The following MACROD2 variants were observed in gnomAD, a reference collection of about 807,000 sequenced individuals.
MACROD2 encodes the protein mono-ADP ribosylhydrolase 2.
MACROD2 carries 36 observed loss-of-function variants against 70.4 expected under a neutral mutation model. The observed-to-expected ratio is 0.51, with a 90% CI of 0.39 to 0.68. MACROD2 has a LOEUF of 0.68. Ranked by LOEUF, MACROD2 falls within the 30% of genes least tolerant of loss-of-function variation. The pLI is 0.00. For missense variants in MACROD2, 496 were observed against 538.4 expected, an observed-to-expected ratio of 0.92 and a Z score of 0.78; for synonymous variants, 172 against 178.8, an observed-to-expected ratio of 0.96 and a Z score of 0.30.
intron 5 of MACROD2, among the ~76,000 whole-genome samples, chr20:15,115,755 T>A (rs1479836143): frequency 6.6e-6 from 1 of 152,176 alleles, no homozygotes; most frequent in Non-Finnish European, 1.5e-5. Context: ...AGACTTAGGA[T>A]AAATCAGAAG....
At chr20:14,860,003 G>A (rs1478409394) in intron 5 of MACROD2, among the ~76,000 whole-genome samples, 1 of 152,074 alleles carries the variant, frequency 6.6e-6, no homozygotes, top group African/African-American at 2.4e-5. Context: ...CATTCTTAAA[G>A]GTCATACATT....
At chr20:14,063,309 G>A (rs752208873) in intron 2 of MACROD2, among the ~76,000 whole-genome samples, 32 of 152,150 alleles carry the variant, frequency 2.1e-4, no homozygotes, top group African/African-American at 7.5e-4. Flanking sequence ...GAATGTTTCA[G>A]GTCAATTAGA....
chr20:15,810,784 A>C (rs919592133), intron 8 of MACROD2, among the ~76,000 whole-genome samples: 1 of 152,116 alleles, frequency 6.6e-6, no homozygotes. Context: ...ATAATGCCGC[A>C]TATCTACAAC....
chr20:15,308,880 T>G (rs2077724174), intron 6 of MACROD2, among the ~76,000 whole-genome samples: 1 of 152,178 alleles, frequency 6.6e-6, no homozygotes, highest in African/African-American at 2.4e-5. Context: ...TGGGTCAGAC[T>G]GGCTTGACTG....
intron 6 of MACROD2, among the ~76,000 whole-genome samples, chr20:15,421,997 T>C (rs2046234846): frequency 6.6e-6 from 1 of 151,946 alleles, no homozygotes; most frequent in South Asian, 2.1e-4. Context: ...GGAAATGGAG[T>C]ATGCCAGACA....
At chr20:14,956,294 C>T (rs1413812851) in intron 5 of MACROD2, among the ~76,000 whole-genome samples, 1 of 151,908 alleles carries the variant, frequency 6.6e-6, no homozygotes. Flanking sequence ...ATGACGAATG[C>T]TTCTGACAAA....
chr20:14,993,199 C>CT (rs2074920355), intron 5 of MACROD2, among the ~76,000 whole-genome samples: 1 of 151,274 alleles, frequency 6.6e-6, no homozygotes, highest in Non-Finnish European at 1.5e-5. Context: ...TATTCGTGAA[C>CT]TTGTTTACAG....
chr20:15,082,157 G>C (rs1223077638), intron 5 of MACROD2, among the ~76,000 whole-genome samples: 2 of 152,130 alleles, frequency 1.3e-5, no homozygotes, highest in African/African-American at 4.8e-5. Flanking sequence ...CAGAGTGGGA[G>C]GTTATCTGCT....
At chr20:14,019,551 T>G (rs756289360) in intron 2 of MACROD2, among the ~76,000 whole-genome samples, 6 of 152,054 alleles carry the variant, frequency 3.9e-5, no homozygotes, top group Non-Finnish European at 7.4e-5. Flanking sequence ...GGGATTACAG[T>G]TGTGAGCCAC....
chr20:14,700,751 A>C (rs1183653368), intron 5 of MACROD2, among the ~76,000 whole-genome samples: 1 of 152,064 alleles, frequency 6.6e-6, no homozygotes, highest in East Asian at 1.9e-4. Flanking sequence ...ATGCATGCTG[A>C]TTTGGACTCT....
At chr20:14,193,135 A>G (rs891743918) in intron 3 of MACROD2, among the ~76,000 whole-genome samples, 2 of 152,222 alleles carry the variant, frequency 1.3e-5, no homozygotes, top group Non-Finnish European at 2.9e-5. Context: ...GCCATCACAC[A>G]GAAACTCTGG....
chr20:15,051,390 G>A (rs2075439707), intron 5 of MACROD2, among the ~76,000 whole-genome samples: 1 of 99,214 alleles, frequency 1.0e-5, no homozygotes, highest in Non-Finnish European at 2.0e-5. Flanking sequence ...GTGTGTGTGT[G>A]TGTGTGTGTC....
chr20:14,500,104 A>G (rs1398318710), intron 4 of MACROD2, among the ~76,000 whole-genome samples: 2 of 152,200 alleles, frequency 1.3e-5, no homozygotes, highest in African/African-American at 2.4e-5. Flanking sequence ...GTCATGATCT[A>G]TTCAGATGTA....
chr20:14,581,927 A>G (rs977948843), intron 4 of MACROD2, among the ~76,000 whole-genome samples: 3 of 152,136 alleles, frequency 2.0e-5, no homozygotes, highest in Non-Finnish European at 2.9e-5. Context: ...TCTTCTTTCT[A>G]TGTCTCAGGC....
intron 6 of MACROD2, among the ~76,000 whole-genome samples, chr20:15,380,425 GTT>G (rs11455793): frequency 6.8e-6 from 1 of 147,672 alleles, no homozygotes; most frequent in Non-Finnish European, 1.5e-5. Flanking sequence ...CTTAGGGAAA[GTT>G]TTTTTTTTTT....
chr20:14,342,677 G>A (rs183074710), intron 3 of MACROD2, among the ~76,000 whole-genome samples: 14 of 152,174 alleles, frequency 9.2e-5, no homozygotes, highest in Admixed American at 8.5e-4. Flanking sequence ...AATGCCGAAA[G>A]GTTTTGAAAA....
At chr20:15,959,006 G>A (rs2066019438) in intron 12 of MACROD2, among the ~76,000 whole-genome samples, 1 of 152,148 alleles carries the variant, frequency 6.6e-6, no homozygotes. Flanking sequence ...ATTTTGTTGT[G>A]TCAGGCCAAG....
At chr20:15,043,214 A>G (rs1007577479) in intron 5 of MACROD2, among the ~76,000 whole-genome samples, 1 of 152,204 alleles carries the variant, frequency 6.6e-6, no homozygotes, top group African/African-American at 2.4e-5. Context: ...CATTTTATTT[A>G]GCCCACAAAG....
At position 15,793,252 on chromosome 20, in the gene MACROD2, G is replaced by T. The variant is rs1031368079; in HGVS notation, c.646-69493G>T. 1.1e-4 allele frequency among the ~76,000 whole-genome samples: 16 copies of T among 152,228 alleles called. No homozygotes were observed. In the South Asian group the frequency reaches 2.1e-3, roughly 20 times the overall value. Reference sequence around the variant, plus strand: ...AGTGTGCATCACAATCACCAGGAAGGTTTGTTAAAACCCAGGTCCCCACCG... The same window carrying T: ...AGTGTGCATCACAATCACCAGGAAGTTTTGTTAAAACCCAGGTCCCCACCG... On this transcript the variant is annotated intron_variant, in intron 8 of 17. Coordinates refer to ENST00000684519, the MANE Select transcript of MACROD2 (RefSeq NM_001351661.2).
Sources: gnomAD v4.1 joint callset for allele counts (sites outside exome capture counted in the v4.1 genomes callset) on GRCh38, gnomAD v4.1.1 for gene constraint, MANE v1.5 for transcripts, NCBI Gene and HGNC (gene_info 2026-07-23, HGNC 2026-07-21) for gene names.